EMP2: variants seen among roughly 807,000 people sequenced by gnomAD.
EMP2 encodes epithelial membrane protein 2.
EMP2 carries 19 observed loss-of-function variants against 13.7 expected under a neutral mutation model. The ratio of observed to expected loss-of-function variants is 1.38; its 90% confidence interval spans 0.97 to 2.03. The LOEUF (loss-of-function observed/expected upper bound fraction) is 2.03. Among genes scored for constraint, EMP2 ranks in the 30% most tolerant of loss-of-function variants. The pLI, the probability that EMP2 is intolerant of heterozygous loss-of-function variation, is 0.00. For synonymous variants in EMP2, 97 were observed against 84.7 expected (o/e 1.15, Z -0.80); for missense variants, 253 against 220.7 (o/e 1.15, Z -0.93).
intron 3 of EMP2, among the ~76,000 whole-genome samples, chr16:10,539,201 G>A (rs370541356): frequency 5.6e-4 from 85 of 152,182 alleles, no homozygotes; most frequent in African/African-American, 1.3e-3. Context: ...AGGGGACAGC[G>A]TCCACGCTGC....
Position 10,580,056 on chromosome 16 carries a change from C to G in EMP2, c.-61+493G>C, listed in dbSNP as rs567271456. On this transcript the variant is annotated intron_variant, in intron 1 of 4. Coordinates refer to ENST00000359543, the MANE Select transcript of EMP2 (RefSeq NM_001424.6). This position sits in a 1 kb window ranked among gnomAD's most constrained non-coding sequence, Gnocchi z 4.3. ...CGGCTCCTCCACCGTTCCTGACCCC[C>G]AAGAAGTCGCTCCTCGCCGCTCGGG... 2.1e-3 allele frequency among the ~76,000 whole-genome samples: 324 copies of G among 152,314 alleles called. No individual in the cohort carries two copies. Among genetic ancestry groups the G allele is most frequent in the African/African-American group, 7.6e-3 (315 of 41,582 alleles).
chr16:10,575,508 C>T (rs2050978379), intron 1 of EMP2, among the ~76,000 whole-genome samples: 1 of 151,882 alleles, frequency 6.6e-6, no homozygotes, highest in Non-Finnish European at 1.5e-5. Flanking sequence ...CCTACCTCGG[C>T]CTCCCAAAGT....
At position 10,570,987 on chromosome 16, in the gene EMP2, G is replaced by A. The variant is rs192206492; in HGVS notation, c.-61+9562C>T. 5.1e-3 allele frequency among the ~76,000 whole-genome samples: 777 copies of A among 151,782 alleles called. 7 individuals carry two copies. Among genetic ancestry groups the A allele is most frequent in the Non-Finnish European group, 5.6e-3 (377 of 67,884 alleles). ...AGAGTTGCAGGAACTGGCAGGGGCC[G>A]GTGGCTCATGCCTGTAATCCCAGCA... is the stretch of plus-strand genomic sequence containing the variant. On this transcript the variant is annotated intron_variant, in intron 1 of 4. Coordinates refer to ENST00000359543, the MANE Select transcript of EMP2 (RefSeq NM_001424.6).
At chr16:10,578,835 G>A (rs1156933144) in intron 1 of EMP2, among the ~76,000 whole-genome samples, 1 of 152,210 alleles carries the variant, frequency 6.6e-6, no homozygotes, top group Non-Finnish European at 1.5e-5. Flanking sequence ...GCACCTTCCT[G>A]CCACCTCCAC....
chr16:10,542,922 C>T (rs1285677121), intron 3 of EMP2, among the ~76,000 whole-genome samples: 2 of 152,200 alleles, frequency 1.3e-5, no homozygotes, highest in African/African-American at 4.8e-5. Context: ...CTCGGCTCAC[C>T]GCAACCTCCG....
At position 10,543,787 on chromosome 16, in the gene EMP2, G is replaced by A. The variant is rs915627893; in HGVS notation, c.79-127C>T. ...ACTGCAACACATGTGAGAATTGCCT[G>A]AGGAGCTTATTCTAATGCAGACTGA... On this transcript the variant is annotated intron_variant, in intron 2 of 4. Transcript: ENST00000359543. The A allele has an allele frequency of 9.3e-6, 8 of 856,288 alleles. No individual in the cohort carries two copies. The African/African-American group carries it at 1.2e-4, about 13-fold the overall frequency. 53.0% of individuals were successfully genotyped at this position (856,288 alleles called of 1,614,324 possible).
At chr16:10,579,741 C>T (rs1596385596) in intron 1 of EMP2, among the ~76,000 whole-genome samples, 1 of 151,156 alleles carries the variant, frequency 6.6e-6, no homozygotes, top group Admixed American at 6.6e-5. Flanking sequence ...CACACACACC[C>T]TCAAAGCTTG....
intron 3 of EMP2, among the ~76,000 whole-genome samples, chr16:10,540,179 G>A (rs571364833): frequency 1.8e-4 from 28 of 152,296 alleles, no homozygotes; most frequent in African/African-American, 5.1e-4. Flanking sequence ...ACAAATTCAC[G>A]GAATGAGAGG....
intron 4 of EMP2, among the ~76,000 whole-genome samples, chr16:10,534,753 G>A (rs542997375): frequency 3.3e-5 from 5 of 152,290 alleles, no homozygotes; most frequent in African/African-American, 4.8e-5. Context: ...GCGACAGAGC[G>A]AAACCCTATC....
intron 1 of EMP2, among the ~76,000 whole-genome samples, chr16:10,565,270 A>G (rs926378208): frequency 6.6e-6 from 1 of 152,232 alleles, no homozygotes; most frequent in Non-Finnish European, 1.5e-5. Context: ...TCTGGGTCAC[A>G]ATGTTTCTGT....
intron 1 of EMP2, among the ~76,000 whole-genome samples, chr16:10,562,667 G>A (rs1418131582): frequency 6.6e-6 from 1 of 152,142 alleles, no homozygotes; most frequent in African/African-American, 2.4e-5. Context: ...ACATTCTGGG[G>A]TGGTTTGTTA....
At chr16:10,579,058 C>CTAGCCTGTTTCCCCACTTGCAACAG (rs2051003829) in intron 1 of EMP2, among the ~76,000 whole-genome samples, 1 of 152,254 alleles carries the variant, frequency 6.6e-6, no homozygotes, top group Non-Finnish European at 1.5e-5. Flanking sequence ...ACTTAGATCT[C>CTAGCCTGTTTCCCCACTTGCAACAG]TAGCCTGTTT....
At chr16:10,570,813 T>A (rs749628865) in intron 1 of EMP2, among the ~76,000 whole-genome samples, 5 of 151,858 alleles carry the variant, frequency 3.3e-5, no homozygotes, top group African/African-American at 4.8e-5. Flanking sequence ...AGTGCTGGGA[T>A]TATAGGCATG....
At chr16:10,551,910 C>T (rs1276079894) in intron 1 of EMP2, among the ~76,000 whole-genome samples, 1 of 152,132 alleles carries the variant, frequency 6.6e-6, no homozygotes, top group Non-Finnish European at 1.5e-5. Flanking sequence ...AGACCCAGGA[C>T]ACACTAACAA....
intron 1 of EMP2, among the ~76,000 whole-genome samples, chr16:10,568,839 T>C (rs964951927): frequency 7.5e-6 from 1 of 133,182 alleles, no homozygotes; most frequent in Non-Finnish European, 1.5e-5. Flanking sequence ...CAAGCTGGAG[T>C]ACAGTGGCGC....
intron 1 of EMP2, among the ~76,000 whole-genome samples, chr16:10,567,845 A>T (rs1051522553): frequency 6.6e-6 from 1 of 152,198 alleles, no homozygotes; most frequent in Non-Finnish European, 1.5e-5. Context: ...GGAAGAATTG[A>T]GGCATTGGAG....
intron 1 of EMP2, among the ~76,000 whole-genome samples, chr16:10,567,512 A>G (rs1426470772): frequency 6.6e-6 from 1 of 152,220 alleles, no homozygotes; most frequent in Non-Finnish European, 1.5e-5. Context: ...GGCTTAGACC[A>G]GGCTCTGGAA....
chr16:10,568,370 T>C lies in EMP2; in HGVS notation c.-61+12179A>G, dbSNP rs548859488. ...AATATATGTATTTTATATATGTATATATTTATGTATTATTATATATTTACA... is the reference window on the plus strand; with the variant it reads ...AATATATGTATTTTATATATGTATACATTTATGTATTATTATATATTTACA... On this transcript the variant is annotated intron_variant, in intron 1 of 4. Coordinates refer to ENST00000359543, the MANE Select transcript of EMP2 (RefSeq NM_001424.6). 5.5e-4 allele frequency among the ~76,000 whole-genome samples: 83 copies of C among 152,266 alleles called. 2 individuals are homozygous for C. The South Asian group carries it at 0.017, about 30-fold the overall frequency.
chr16:10,566,337 T>C (rs57889968), intron 1 of EMP2, among the ~76,000 whole-genome samples: 13,467 of 152,184 alleles, frequency 0.088, 704 homozygotes, highest in South Asian at 0.21. Flanking sequence ...TGAAAACAAA[T>C]ACCCCCTGCC....
Sources: gnomAD v4.1 joint callset for allele counts (sites outside exome capture counted in the v4.1 genomes callset) on GRCh38, gnomAD v4.1.1 for gene constraint, Gnocchi (gnomAD v3.1) non-coding constraint, MANE v1.5 for transcripts, NCBI Gene and HGNC (gene_info 2026-07-23, HGNC 2026-07-21) for gene names.